Variants in GPR176 observed in about 807,000 individuals in gnomAD.
GPR176 encodes the protein G-protein coupled receptor 176.
In GPR176, 26 loss-of-function variants were observed where a neutral mutation model predicts 35.4. The observed-to-expected ratio is 0.74, with a 90% CI of 0.54 to 1.02. The LOEUF (loss-of-function observed/expected upper bound fraction) is 1.02, where lower values mean the gene tolerates loss of function less well. Ranked by LOEUF, GPR176 falls within the 50% of genes least tolerant of loss-of-function variation. The pLI is 0.00. For missense variants in GPR176, 597 were observed against 665.3 expected (o/e 0.90, Z 1.13); for synonymous variants, 278 against 271.3 (o/e 1.02, Z -0.24).
intron 1 of GPR176, among the ~76,000 whole-genome samples, chr15:39,836,913 CAT>C (rs1901432985): frequency 6.6e-6 from 1 of 152,144 alleles, no homozygotes; most frequent in South Asian, 2.1e-4. Context: ...CATTCAACTA[CAT>C]CAATGTGTTC....
chr15:39,867,609 G>A (rs957166622), intron 1 of GPR176, among the ~76,000 whole-genome samples: 1 of 152,136 alleles, frequency 6.6e-6, no homozygotes, highest in Non-Finnish European at 1.5e-5. Context: ...GCAGATGCGG[G>A]GTGGGGAGGA....
intron 1 of GPR176, among the ~76,000 whole-genome samples, chr15:39,840,870 T>A (rs147149214): frequency 7.9e-5 from 12 of 152,196 alleles, no homozygotes; most frequent in Admixed American, 2.6e-4. Context: ...TATCATTTAA[T>A]GTGTGGTAAT....
intron 1 of GPR176, among the ~76,000 whole-genome samples, chr15:39,881,052 G>A (rs1178720333): frequency 6.6e-6 from 1 of 152,074 alleles, no homozygotes; most frequent in Non-Finnish European, 1.5e-5. Flanking sequence ...GTTCCATCTT[G>A]TGGGATCTAG....
chr15:39,834,827 G>A (rs12442442), intron 1 of GPR176, among the ~76,000 whole-genome samples: 7,281 of 151,822 alleles, frequency 0.048, 615 homozygotes, highest in Admixed American at 0.19. Context: ...TAATTAATGG[G>A]GTCAAAAATA....
chr15:39,889,374 T>C (rs116063421), intron 1 of GPR176, among the ~76,000 whole-genome samples: 1,892 of 151,750 alleles, frequency 0.012, 48 homozygotes, highest in African/African-American at 0.041. Flanking sequence ...ATGGAGAAAC[T>C]TCATCTCTAC....
At chr15:39,824,904 T>G (rs1450870600) in intron 1 of GPR176, among the ~76,000 whole-genome samples, 1 of 152,156 alleles carries the variant, frequency 6.6e-6, no homozygotes, top group African/African-American at 2.4e-5. Context: ...TAATACATGT[T>G]TACTGTTACA....
intron 2 of GPR176, among the ~76,000 whole-genome samples, chr15:39,803,207 C>A (rs1299643738): frequency 2.7e-5 from 4 of 150,016 alleles, no homozygotes; most frequent in Non-Finnish European, 5.9e-5. Context: ...GACCTTACAA[C>A]CTTAGTGACA....
chr15:39,895,717 T>C (rs1272370512), intron 1 of GPR176, among the ~76,000 whole-genome samples: 1 of 152,196 alleles, frequency 6.6e-6, no homozygotes, highest in Non-Finnish European at 1.5e-5. Flanking sequence ...TATGGACACT[T>C]AATATATTAA....
intron 1 of GPR176, among the ~76,000 whole-genome samples, chr15:39,880,336 T>G (rs986291199): frequency 2.6e-5 from 4 of 152,130 alleles, no homozygotes; most frequent in Non-Finnish European, 5.9e-5. Context: ...CTGAGGCACT[T>G]CTCTACCACA....
chr15:39,850,554 A>G (rs1453163578), intron 1 of GPR176, among the ~76,000 whole-genome samples: 1 of 152,192 alleles, frequency 6.6e-6, no homozygotes, highest in Non-Finnish European at 1.5e-5. Context: ...CTAGGGGTTA[A>G]GGAGAGGGTT....
intron 1 of GPR176, among the ~76,000 whole-genome samples, chr15:39,808,717 A>G (rs761727912): frequency 1.3e-5 from 2 of 152,220 alleles, no homozygotes; most frequent in Non-Finnish European, 2.9e-5. Flanking sequence ...GGCATTTGAT[A>G]AATATTTGTT....
chr15:39,879,132 T>C lies in GPR176; in HGVS notation c.172+40723A>G, dbSNP rs573308915. Reference sequence around the variant, plus strand: ...AGAACAAATGGGTCAACTATCATTTTACAGACTACTGGGCCTACCCCTCAC... The same window carrying C: ...AGAACAAATGGGTCAACTATCATTTCACAGACTACTGGGCCTACCCCTCAC... On this transcript the variant is annotated intron_variant, in intron 1 of 2. Transcript: ENST00000561100. 5.3e-5 allele frequency among the ~76,000 whole-genome samples: 8 copies of C among 152,376 alleles called. No individual in the cohort carries two copies. In the East Asian group the frequency reaches 1.2e-3, roughly 22 times the overall value.
chr15:39,840,502 G>A (rs1901676054), intron 1 of GPR176, among the ~76,000 whole-genome samples: 1 of 152,134 alleles, frequency 6.6e-6, no homozygotes, highest in Non-Finnish European at 1.5e-5. Context: ...GTAGCGGGGA[G>A]GGATAGCATT....
chr15:39,850,974 A>G (rs1167004539), intron 1 of GPR176, among the ~76,000 whole-genome samples: 1 of 152,136 alleles, frequency 6.6e-6, no homozygotes, highest in African/African-American at 2.4e-5. Context: ...AAAAAGAAGA[A>G]GTAGATACGG....
chr15:39,844,606 A>G (rs2030278605), intron 1 of GPR176, among the ~76,000 whole-genome samples: 1 of 151,820 alleles, frequency 6.6e-6, no homozygotes, highest in Non-Finnish European at 1.5e-5. Context: ...AAAAAAATAG[A>G]TCAGGTGAGA....
chr15:39,869,699 CCTA>C lies in GPR176; in HGVS notation c.172+50153_172+50155del, dbSNP rs2031975107. Reference sequence around the variant, plus strand: ...TTTATTTTGAACTCTTGTTCAAAGGCCTACTGTCTCTTTGCAATAGCACAATAT... The same window carrying C: ...TTTATTTTGAACTCTTGTTCAAAGGCCTGTCTCTTTGCAATAGCACAATAT... On this transcript the variant is annotated intron_variant, in intron 1 of 2. Transcript: ENST00000561100. 2.0e-5 allele frequency among the ~76,000 whole-genome samples: 3 copies of C among 152,122 alleles called. No individual in the cohort carries two copies. In the South Asian group the frequency reaches 6.2e-4, roughly 32 times the overall value.
intron 1 of GPR176, 30 bp downstream of exon 1, chr15:39,919,825 C>G (rs749157323): frequency 5.1e-6 from 7 of 1,372,464 alleles, no homozygotes; most frequent in Non-Finnish European, 5.7e-6. Context: ...CGGGGAGGCC[C>G]GGTCCGGAGG....
chr15:39,891,996 TA>T (rs1356936161), intron 1 of GPR176, among the ~76,000 whole-genome samples: 1 of 152,228 alleles, frequency 6.6e-6, no homozygotes, highest in African/African-American at 2.4e-5. Flanking sequence ...CTCAAGCATG[TA>T]AAGCCATTAT....
Position 39,891,946 on chromosome 15 carries a change from C to T in GPR176, c.172+27909G>A, listed in dbSNP as rs531327084. Among the ~76,000 whole-genome samples the T allele has an allele frequency of 1.9e-4, 29 of 152,306 alleles. 1 individual carries two copies. The South Asian group carries it at 5.6e-3, about 29-fold the overall frequency. On this transcript the variant is annotated intron_variant, in intron 1 of 2. Transcript: ENST00000561100. The stretch of plus-strand genomic sequence containing the variant: ...TGATTAATTGAAGCTATCAAGCAGA[C>T]CAACTTGAATTTTCTTCTGAAGCAA...
Sources: gnomAD v4.1 joint callset for allele counts (sites outside exome capture counted in the v4.1 genomes callset) on GRCh38, gnomAD v4.1.1 for gene constraint, MANE v1.5 for transcripts, NCBI Gene and HGNC (gene_info 2026-07-23, HGNC 2026-07-21) for gene names.